The following DOCK3 variants were observed in gnomAD, a reference collection of about 807,000 sequenced individuals.
The protein encoded by DOCK3 is dedicator of cytokinesis 3.
A neutral mutation model predicts 265.6 loss-of-function variants in DOCK3; 60 were observed. The ratio of observed to expected loss-of-function variants is 0.23; its 90% CI spans 0.18 to 0.28. The LOEUF (loss-of-function observed/expected upper bound fraction) is 0.28, where lower values mean the gene tolerates loss of function less well. Among genes scored for constraint, DOCK3 ranks in the 10% least tolerant of loss-of-function variants. The pLI is 1.00. For missense variants in DOCK3, 1,981 were observed against 2,594.3 expected (o/e 0.76, Z 5.14); for synonymous variants, 881 against 938.0 (o/e 0.94, Z 1.11).
chr3:50,777,134 G>A (rs562650616), intron 1 of DOCK3, among the ~76,000 whole-genome samples: 11 of 152,208 alleles, frequency 7.2e-5, no homozygotes, highest in Non-Finnish European at 1.5e-4. Context: ...CCCACAACAC[G>A]TGGGAATTAT....
intron 9 of DOCK3, among the ~76,000 whole-genome samples, chr3:51,140,027 G>T (rs1233604263): frequency 6.6e-6 from 1 of 152,232 alleles, no homozygotes; most frequent in Admixed American, 6.5e-5. Flanking sequence ...ATCTTGGAGA[G>T]TTTACGTGTT....
rs528167541 is a variant in DOCK3 at position 50,911,083 on chromosome 3, G to A, written c.218+21002G>A. Among the ~76,000 whole-genome samples, 69 of 151,756 alleles carry A rather than the reference G, an allele frequency of 4.5e-4. 1 individual carries two copies. In the South Asian group the frequency reaches 7.5e-3, roughly 17 times the overall value. ...TAATCCTTTGTCACATGAATAGTTC[G>A]CAAATATTTCCCCCTTTCTATAGGT... On this transcript the variant is annotated intron_variant, in intron 4 of 52. Coordinates refer to ENST00000266037, the MANE Select transcript of DOCK3 (RefSeq NM_004947.5).
Position 50,964,182 on chromosome 3 carries a change from T to C in DOCK3, c.315+30105T>C, listed in dbSNP as rs1335582717. 2.0e-5 allele frequency among the ~76,000 whole-genome samples: 3 copies of C among 152,256 alleles called. No individual in the cohort carries two copies. In the South Asian group the frequency reaches 6.2e-4, roughly 32 times the overall value. On this transcript the variant is annotated intron_variant, in intron 5 of 52. Transcript: ENST00000266037. ...GCACTGTAAATCATAAAACAACTGA[T>C]GAAAGCAAGACCAAAAGGATCAAAC... is the stretch of plus-strand genomic sequence containing the variant.
rs1352270510 is a variant in DOCK3 at position 51,309,672 on chromosome 3, G to T, written c.2923-560G>T. ...GCGAGAGCTCTTTGTTTCTTACAGAGCGTACATGGGACTCATCCATTTTTC... is the reference window on the plus strand; with the variant it reads ...GCGAGAGCTCTTTGTTTCTTACAGATCGTACATGGGACTCATCCATTTTTC... On this transcript the variant is annotated intron_variant, in intron 27 of 52. Coordinates refer to ENST00000266037, the MANE Select transcript of DOCK3 (RefSeq NM_004947.5). Among the ~76,000 whole-genome samples the T allele has an allele frequency of 3.3e-5, 5 of 152,106 alleles. No homozygotes were observed. In the East Asian group the frequency reaches 9.7e-4, roughly 30 times the overall value.
At chr3:51,257,294 A>G (rs2079600881) in intron 22 of DOCK3, among the ~76,000 whole-genome samples, 1 of 152,172 alleles carries the variant, frequency 6.6e-6, no homozygotes, top group South Asian at 2.1e-4. Context: ...TCTTCTTCAT[A>G]GGATGCATGC....
chr3:51,351,488 T>A (rs1053037422), intron 40 of DOCK3, among the ~76,000 whole-genome samples: 1 of 152,172 alleles, frequency 6.6e-6, no homozygotes, highest in African/African-American at 2.4e-5. Flanking sequence ...CTTGCACTTT[T>A]CTTGGGCAGT....
At chr3:51,132,260 C>T (rs2084591868) in intron 9 of DOCK3, among the ~76,000 whole-genome samples, 1 of 152,138 alleles carries the variant, frequency 6.6e-6, no homozygotes, top group Non-Finnish European at 1.5e-5. Flanking sequence ...CACCATTGTC[C>T]CAGACCCTTA....
At chr3:51,024,081 A>G (rs548259527) in intron 5 of DOCK3, among the ~76,000 whole-genome samples, 15 of 152,016 alleles carry the variant, frequency 9.9e-5, no homozygotes, top group Non-Finnish European at 1.8e-4. Context: ...GTCTGACTTC[A>G]ATGTTTGTAG....
intron 35 of DOCK3, among the ~76,000 whole-genome samples, chr3:51,336,227 A>G (rs975763976): frequency 6.6e-6 from 1 of 152,156 alleles, no homozygotes; most frequent in Admixed American, 6.5e-5. Flanking sequence ...CTTTTATATC[A>G]ATGTCTTTAA....
intron 21 of DOCK3, among the ~76,000 whole-genome samples, chr3:51,239,914 T>G (rs1309737925): frequency 1.3e-5 from 2 of 152,186 alleles, no homozygotes; most frequent in African/African-American, 4.8e-5. Context: ...TTCATTGATC[T>G]TTTGAATGGT....
chr3:51,123,048 C>T (rs2084102880), intron 9 of DOCK3, among the ~76,000 whole-genome samples: 1 of 152,166 alleles, frequency 6.6e-6, no homozygotes, highest in African/African-American at 2.4e-5. Context: ...TGCCTCATAC[C>T]TCAGCATCCA....
At chr3:51,194,284 A>AT (rs1560189376) in intron 12 of DOCK3, among the ~76,000 whole-genome samples, 1 of 151,858 alleles carries the variant, frequency 6.6e-6, no homozygotes, top group Non-Finnish European at 1.5e-5. Context: ...TATGATTTTG[A>AT]TTTTTTTAAG....
Position 50,886,209 on chromosome 3 carries a change from T to C in DOCK3, c.163-3817T>C, listed in dbSNP as rs925185766. 2.8e-4 allele frequency among the ~76,000 whole-genome samples: 40 copies of C among 141,854 alleles called. 1 individual carries two copies. The highest frequency in any genetic ancestry group is 1.9e-3 in the Admixed American group (26 of 13,874). The allele number at this position is 141,854 out of a possible 152,430, so 93.1% of individuals were successfully genotyped here. A position where few individuals can be genotyped will look rare whatever the true frequency, so the allele number is the denominator to read the frequency against. Reference sequence around the variant, plus strand: ...GGAGATATATATATATATATATATATTCCAGAGTTTTTAGGTATGCACTAG... The same window carrying C: ...GGAGATATATATATATATATATATACTCCAGAGTTTTTAGGTATGCACTAG... On this transcript the variant is annotated intron_variant, in intron 3 of 52. Coordinates refer to ENST00000266037, the MANE Select transcript of DOCK3 (RefSeq NM_004947.5).
At chr3:50,738,374 C>G (rs951051393) in intron 1 of DOCK3, among the ~76,000 whole-genome samples, 5 of 152,130 alleles carry the variant, frequency 3.3e-5, no homozygotes, top group African/African-American at 1.2e-4. Flanking sequence ...AGGCTTGAGG[C>G]CTGGGTTTGT....
At chr3:50,744,123 A>T (rs888035507) in intron 1 of DOCK3, among the ~76,000 whole-genome samples, 5 of 152,062 alleles carry the variant, frequency 3.3e-5, no homozygotes, top group Non-Finnish European at 7.4e-5. Flanking sequence ...AATCAGGTTA[A>T]AATTGTTTGT....
chr3:50,788,136 A>G (rs2108581923), intron 2 of DOCK3: 3 of 771,008 alleles, frequency 3.9e-6, no homozygotes, highest in Non-Finnish European at 2.1e-6. Context: ...TCCCTTTGTT[A>G]CACTTTGGTG....
Position 51,380,772 on chromosome 3 carries a change from A to G in DOCK3, c.5584-278A>G, listed in dbSNP as rs572153202. 5.3e-5 allele frequency among the ~76,000 whole-genome samples: 8 copies of G among 152,270 alleles called. No homozygotes were observed. In the East Asian group the frequency reaches 1.4e-3, roughly 26 times the overall value. On this transcript the variant is annotated intron_variant, in intron 52 of 52. Transcript: ENST00000266037. ...GACCCAGCCTTTATGTCAGTATCCC[A>G]GAGCCACCGACGGCAGCCTGGGACC...
At chr3:51,118,957 C>T (rs959747393) in intron 9 of DOCK3, among the ~76,000 whole-genome samples, 1 of 152,092 alleles carries the variant, frequency 6.6e-6, no homozygotes, top group African/African-American at 2.4e-5. Flanking sequence ...TTAATTGGGG[C>T]ATTTAGCCCA....
intron 3 of DOCK3, among the ~76,000 whole-genome samples, chr3:50,888,812 A>G (rs1335967066): frequency 6.6e-6 from 1 of 152,218 alleles, no homozygotes; most frequent in Non-Finnish European, 1.5e-5. Flanking sequence ...AGCCATATGT[A>G]GAAAGCTGAA....
Sources: allele counts gnomAD v4.1 joint callset (sites outside exome capture counted in the v4.1 genomes callset), GRCh38; gene constraint gnomAD v4.1.1; transcripts MANE v1.5; gene names NCBI Gene and HGNC (gene_info 2026-07-23, HGNC 2026-07-21).